The following HNRNPA2B1 variants were observed in gnomAD, a reference collection of about 807,000 sequenced individuals.
HNRNPA2B1 encodes the protein heterogeneous nuclear ribonucleoproteins A2/B1.
In HNRNPA2B1, 3 loss-of-function variants were observed where a neutral mutation model predicts 46.3. The ratio of observed to expected loss-of-function variants is 0.06; its 90% CI spans 0.03 to 0.17. The LOEUF is 0.17. Among genes scored for constraint, HNRNPA2B1 ranks in the 10% least tolerant of loss-of-function variants. The pLI is 1.00. For synonymous variants in HNRNPA2B1, 225 were observed against 133.8 expected (o/e 1.68, Z -4.70); for missense variants, 221 against 418.9 (o/e 0.53, Z 4.12).
chr7:26,193,761 C>G, intron 7 of HNRNPA2B1, 67 bp from the exon 8 acceptor site: 6 of 1,300,566 alleles, frequency 4.6e-6, no homozygotes, highest in Admixed American at 2.1e-5. Flanking sequence ...TGTCTCCTCA[C>G]ATCCATTTCC....
At chr7:26,195,586 C>A (rs1783487012) in intron 7 of HNRNPA2B1, 2 of 466,278 alleles carry the variant, frequency 4.3e-6, no homozygotes, top group Admixed American at 4.0e-5. Context: ...AAAGATATAT[C>A]TAGATCCAAT....
intron 2 of HNRNPA2B1, 59 bp downstream of exon 2, chr7:26,197,563 A>G: frequency 6.4e-7 from 1 of 1,556,742 alleles, no homozygotes; most frequent in Non-Finnish European, 8.8e-7. Context: ...TTCCTCCATG[A>G]TTCACTTAAC....
intron 1 of HNRNPA2B1, 194 bp downstream of exon 1, chr7:26,200,378 G>A (rs931879412): frequency 4.6e-6 from 3 of 658,266 alleles, no homozygotes; most frequent in Non-Finnish European, 5.5e-6. Flanking sequence ...GGCGCCGGGA[G>A]GCTGAGGGTG....
At position 26,200,587 on chromosome 7, in the gene HNRNPA2B1, A is replaced by G. The variant is rs750652310; in HGVS notation, c.-10T>C. 2 of 1,613,582 alleles carry G rather than the reference A, an allele frequency of 1.2e-6. No individual in the cohort carries two copies. Among genetic ancestry groups the G allele is most frequent in the Non-Finnish European group, 1.7e-6 (2 of 1,180,012 alleles). The stretch of plus-strand genomic sequence containing the variant: ...AACCCGTTACCTCCATCGCGGACTC[A>G]GTCGCTTCAGCCCGATTTCCCGCAG... On this transcript the variant is annotated 5_prime_UTR_variant, in exon 1 of 11. Transcript: ENST00000618183.
In HNRNPA2B1 at chr7:26,197,678, T is replaced by C; in HGVS notation, c.61A>G (p.Thr21Ala). The change falls in exon 2 of 11, where the codon ACA (threonine) becomes GCA (alanine). Residue 21 changes from threonine to alanine, a missense_variant. Thr to Ala is a moderately conservative substitution (Grantham distance 58). Around this residue, in one of 2 missense-constraint regions of HNRNPA2B1, gnomAD observed 78 missense variants for 218.5 expected, o/e 0.36. Transcript: ENST00000618183. ...LFIGGLSFETTEESLRNYYEQ... is the reference protein window; with the variant it reads ...LFIGGLSFETAEESLRNYYEQ... ...TAGTAGTTCCTCAAACTTTCTTCTG[T>C]GGTTTCAAAGCTTAAGCCACCAATA... The C allele has an allele frequency of 6.2e-7, 1 of 1,614,070 alleles. No individual in the cohort carries two copies. The highest frequency in any genetic ancestry group is 8.5e-7 in the Non-Finnish European group (1 of 1,179,970).
rs779666542 is a variant in HNRNPA2B1 at position 26,200,591 on chromosome 7, G to A, written c.-14C>T. 30 of 1,613,420 alleles carry A rather than the reference G, an allele frequency of 1.9e-5. No homozygotes were observed. Among genetic ancestry groups the A allele is most frequent in the Non-Finnish European group, 2.5e-5 (29 of 1,180,016 alleles). ...CGTTACCTCCATCGCGGACTCAGTC[G>A]CTTCAGCCCGATTTCCCGCAGCCGA... is the stretch of plus-strand genomic sequence containing the variant. On this transcript the variant is annotated 5_prime_UTR_variant, in exon 1 of 11. Coordinates refer to ENST00000618183, the MANE Select transcript of HNRNPA2B1 (RefSeq NM_002137.4).
rs1201950455 is a variant in HNRNPA2B1, at chr7:26,197,314, CCT to C, written c.263_264del (p.Glu88GlyfsTer20). 6.2e-7 allele frequency: 1 copy of C among 1,606,516 alleles called. No homozygotes were observed. On this transcript the variant is annotated frameshift_variant and splice_region_variant, in exon 3 of 11. Coordinates refer to ENST00000618183, the MANE Select transcript of HNRNPA2B1 (RefSeq NM_002137.4). LOFTEE classifies it high-confidence loss of function. ...VVEPKRAVAR[E>X]ESGKPGAHVT... The stretch of plus-strand genomic sequence containing the variant: ...GCACAAGACAGTCATTGTTTGCTTA[CCT>C]CTCTTGCTACAGCACGTTTTGGCTC...
intron 4 of HNRNPA2B1, 56 bp downstream of exon 4, chr7:26,196,751 A>C: frequency 6.4e-7 from 1 of 1,567,974 alleles, no homozygotes; most frequent in Admixed American, 1.7e-5. Context: ...AGATGTTAAC[A>C]TACACAAAAT....
chr7:26,197,507 T>C (rs973461079), intron 2 of HNRNPA2B1, 46 bp from the exon 3 acceptor site: 145 of 1,598,270 alleles, frequency 9.1e-5, no homozygotes, highest in Non-Finnish European at 1.1e-4. Flanking sequence ...TCATTATAGC[T>C]TATAAGTGAA....
At chr7:26,193,899 A>C (rs181836797) in intron 7 of HNRNPA2B1, among the ~76,000 whole-genome samples, 47 of 152,346 alleles carry the variant, frequency 3.1e-4, no homozygotes, top group Admixed American at 2.7e-3. Flanking sequence ...CACCATGTGC[A>C]CACAGTTAAA....
intron 8 of HNRNPA2B1, 46 bp downstream of exon 8, chr7:26,193,529 C>T (rs1348523868): frequency 6.4e-7 from 1 of 1,565,182 alleles, no homozygotes; most frequent in East Asian, 2.3e-5. Context: ...GTTACAAAGA[C>T]ATTAATTCCA....
Position 26,197,870 on chromosome 7 carries a change from G to A in HNRNPA2B1, c.7-138C>T. 6.3e-7 allele frequency: 1 copy of A among 1,585,358 alleles called. No individual in the cohort carries two copies. On this transcript the variant is annotated intron_variant, in intron 1 of 10. Transcript: ENST00000618183. The stretch of plus-strand genomic sequence containing the variant: ...AAGGAACAGTTTCTAAAGTTTTCTG[G>A]GGGGAAAAAAAAAACTTACATCAAA...
At chr7:26,193,727 A>T in intron 7 of HNRNPA2B1, 33 bp from the exon 8 acceptor site, 1 of 1,565,086 alleles carries the variant, frequency 6.4e-7, no homozygotes, top group Non-Finnish European at 8.8e-7. Context: ...GTAATCACTT[A>T]ATATTTTCAA....
chr7:26,191,223 A>C lies in HNRNPA2B1; in HGVS notation c.*1137T>G, dbSNP rs1782883140. On this transcript the variant is annotated 3_prime_UTR_variant, in exon 11 of 11. Transcript: ENST00000618183. The stretch of plus-strand genomic sequence containing the variant: ...GGAAAAGAAGGAAAAAAAGGGAAAA[A>C]CAACCAAAATAATTTAAGTAAATGA... The C allele has an allele frequency of 6.6e-6, 1 of 152,400 alleles. No homozygotes were observed. 9.4% of individuals were successfully genotyped at this position (152,400 alleles called of 1,614,324 possible). A position where few individuals can be genotyped will look rare whatever the true frequency, so the allele number is the denominator to read the frequency against.
chr7:26,200,496 G>C (rs573247307), intron 1 of HNRNPA2B1, 76 bp downstream of exon 1: 3 of 1,465,774 alleles, frequency 2.0e-6, no homozygotes, highest in African/African-American at 2.8e-5. Context: ...CACGGAGGCG[G>C]CTGGCCGACT....
Position 26,192,645 on chromosome 7 carries a change from A to C in HNRNPA2B1, c.965-68T>G, listed in dbSNP as rs1783030339. ...TTTCCCATGATCAGCCTAACACTAC[A>C]GTTGATTCTATTTTATATCCATCCA... On this transcript the variant is annotated intron_variant, in intron 9 of 10. Coordinates refer to ENST00000618183, the MANE Select transcript of HNRNPA2B1 (RefSeq NM_002137.4). The C allele has an allele frequency of 2.4e-6, 3 of 1,253,540 alleles. No individual in the cohort carries two copies. In the South Asian group the frequency reaches 3.6e-5, roughly 15 times the overall value. 77.7% of individuals were successfully genotyped at this position (1,253,540 alleles called of 1,614,324 possible).
chr7:26,199,160 C>G (rs1052435458), intron 1 of HNRNPA2B1: 6 of 152,522 alleles, frequency 3.9e-5, no homozygotes, highest in Admixed American at 1.3e-4. Flanking sequence ...TTACAAATCA[C>G]TAACAAAAAG....
intron 1 of HNRNPA2B1, chr7:26,199,227 A>G (rs974168413): frequency 6.6e-6 from 1 of 152,622 alleles, no homozygotes; most frequent in African/African-American, 2.4e-5. Context: ...TCCACTATCG[A>G]TTTTAAACAA....
rs1584021336 is a variant in HNRNPA2B1, at chr7:26,200,632, T to C, written c.-55A>G. On this transcript the variant is annotated 5_prime_UTR_variant, in exon 1 of 11. Coordinates refer to ENST00000618183, the MANE Select transcript of HNRNPA2B1 (RefSeq NM_002137.4). The stretch of plus-strand genomic sequence containing the variant: ...CCGCAGCCGAGCGAGATGAGAGAGA[T>C]CTCCGCGGACGAACACGAACCGGAC... 1.2e-6 allele frequency: 2 copies of C among 1,612,512 alleles called. No individual in the cohort carries two copies. Among genetic ancestry groups the C allele is most frequent in the Admixed American group, 1.7e-5 (1 of 60,032 alleles).
Sources: allele counts gnomAD v4.1 joint callset (sites outside exome capture counted in the v4.1 genomes callset), GRCh38; gene constraint gnomAD v4.1.1; regional missense constraint gnomAD v4.1.1; transcripts MANE v1.5; gene names NCBI Gene and HGNC (gene_info 2026-07-23, HGNC 2026-07-21).